The following IL1RAPL1 variants were observed in gnomAD, a reference collection of about 807,000 sequenced individuals.
IL1RAPL1 encodes interleukin 1 receptor accessory protein like 1.
IL1RAPL1 carries 3 observed loss-of-function variants against 48.4 expected under a neutral mutation model. The observed-to-expected ratio is 0.06, with a 90% CI of 0.03 to 0.16. The LOEUF (loss-of-function observed/expected upper bound fraction) is 0.16. IL1RAPL1 is among the 10% of genes least tolerant of loss of function. The probability of loss-of-function intolerance (pLI) is 1.00; values close to 1 mark genes in which losing one functional copy is unlikely to be tolerated. For synonymous variants in IL1RAPL1, 185 were observed against 187.7 expected (o/e 0.99, Z 0.12); for missense variants, 349 against 530.6 (o/e 0.66, Z 3.36).
intron 6 of IL1RAPL1, among the ~76,000 whole-genome samples, chrX:29,707,625 G>A (rs1243103230): frequency 8.9e-6 from 1 of 111,892 alleles, no homozygotes; most frequent in Non-Finnish European, 1.9e-5. Context: ...ATGAAACAGT[G>A]GCATTTGTAG....
intron 2 of IL1RAPL1, among the ~76,000 whole-genome samples, chrX:29,278,624 A>G (rs1017331488): frequency 8.9e-6 from 1 of 112,411 alleles, no homozygotes; most frequent in Non-Finnish European, 1.9e-5. Context: ...AGCATCCACA[A>G]TTACCTGATG....
chrX:29,842,274 T>G (rs1159402908), intron 6 of IL1RAPL1, among the ~76,000 whole-genome samples: 1 of 112,287 alleles, frequency 8.9e-6, no homozygotes, highest in African/African-American at 3.2e-5. Flanking sequence ...TCCAGCTGAA[T>G]GCTAACCTTG....
intron 3 of IL1RAPL1, among the ~76,000 whole-genome samples, chrX:29,390,625 C>T (rs1602210437): frequency 9.0e-6 from 1 of 111,379 alleles, no homozygotes; most frequent in East Asian, 2.8e-4. Context: ...GGTAATTCTG[C>T]TAGAGTAAGA....
intron 5 of IL1RAPL1, among the ~76,000 whole-genome samples, chrX:29,524,386 A>T (rs1173074926): frequency 9.0e-6 from 1 of 111,153 alleles, no homozygotes; most frequent in Non-Finnish European, 1.9e-5. Flanking sequence ...TACATTATGG[A>T]TTTTTATTAT....
At chrX:28,855,493 T>C (rs1405004679) in intron 2 of IL1RAPL1, among the ~76,000 whole-genome samples, 3 of 112,025 alleles carry the variant, frequency 2.7e-5, no homozygotes, top group African/African-American at 9.7e-5. Context: ...GAATAATACC[T>C]TTTATTTTTC....
intron 2 of IL1RAPL1, among the ~76,000 whole-genome samples, chrX:29,070,379 G>A (rs1048170974): frequency 2.7e-5 from 3 of 111,413 alleles, no homozygotes; most frequent in Admixed American, 1.9e-4. Context: ...AGATATCAGC[G>A]CCCTAATTAA....
Position 28,872,913 on chromosome X carries a change from A to T in IL1RAPL1, c.82+83488A>T, listed in dbSNP as rs987350466. Among the ~76,000 whole-genome samples the T allele has an allele frequency of 9.0e-5, 10 of 111,604 alleles. No individual in the cohort carries two copies. The South Asian group carries it at 1.5e-3, about 17-fold the overall frequency. ...CTATAAGCCCTATTACCTACAAAAG[A>T]TAAATATGACATTTTCCTTCTCTTA... On this transcript the variant is annotated intron_variant, in intron 2 of 10. Coordinates refer to ENST00000378993, the MANE Select transcript of IL1RAPL1 (RefSeq NM_014271.4).
intron 6 of IL1RAPL1, among the ~76,000 whole-genome samples, chrX:29,770,259 T>C (rs12840230): frequency 0.11 from 12,360 of 111,554 alleles, 620 homozygotes; most frequent in East Asian, 0.31. Flanking sequence ...GTTGCAATAT[T>C]GAGGTTGAAA....
At position 29,259,397 on chromosome X, in the gene IL1RAPL1, A is replaced by C. The variant is rs145012515; in HGVS notation, c.83-23541A>C. Among the ~76,000 whole-genome samples, 1,007 of 111,437 alleles carry C rather than the reference A, an allele frequency of 9.0e-3. 6 individuals are homozygous for C. Among genetic ancestry groups the C allele is most frequent in the Non-Finnish European group, 0.015 (781 of 53,017 alleles). On this transcript the variant is annotated intron_variant, in intron 2 of 10. Coordinates refer to ENST00000378993, the MANE Select transcript of IL1RAPL1 (RefSeq NM_014271.4). ...GGACAGAAATAATATAAACTATTTTATATACTATTAAATAAATGGGATATT... is the reference window on the plus strand; with the variant it reads ...GGACAGAAATAATATAAACTATTTTCTATACTATTAAATAAATGGGATATT...
intron 5 of IL1RAPL1, among the ~76,000 whole-genome samples, chrX:29,626,405 A>C (rs1213377717): frequency 1.8e-5 from 2 of 111,776 alleles, no homozygotes; most frequent in Non-Finnish European, 3.8e-5. Flanking sequence ...TTACAGTGGA[A>C]GCAACCACAT....
intron 6 of IL1RAPL1, among the ~76,000 whole-genome samples, chrX:29,911,928 A>G (rs757528545): frequency 2.3e-4 from 26 of 112,219 alleles, no homozygotes; most frequent in African/African-American, 8.1e-4. Context: ...ATAGTTGAGA[A>G]GAGATGTGCA....
intron 5 of IL1RAPL1, among the ~76,000 whole-genome samples, chrX:29,485,785 G>A (rs1359886905): frequency 9.0e-6 from 1 of 111,451 alleles, no homozygotes; most frequent in East Asian, 2.8e-4. Flanking sequence ...TCTCCTTGAT[G>A]TCATCACACT....
At chrX:28,763,620 C>T (rs776928380) in intron 1 of IL1RAPL1, among the ~76,000 whole-genome samples, 58 of 111,239 alleles carry the variant, frequency 5.2e-4, no homozygotes, top group Middle Eastern at 4.7e-3. Context: ...ATAGCTCAGC[C>T]GTACTTACCT....
chrX:28,641,786 T>C (rs139996884), intron 1 of IL1RAPL1, among the ~76,000 whole-genome samples: 2,894 of 111,629 alleles, frequency 0.026, 78 homozygotes, highest in African/African-American at 0.088. Flanking sequence ...TGGTACCTCA[T>C]TGTGGTTTTG....
At chrX:28,621,132 T>C (rs1193321500) in intron 1 of IL1RAPL1, among the ~76,000 whole-genome samples, 1 of 112,143 alleles carries the variant, frequency 8.9e-6, no homozygotes, top group Non-Finnish European at 1.9e-5. Context: ...GCAGAGCACC[T>C]ATTGTTATTT....
intron 5 of IL1RAPL1, among the ~76,000 whole-genome samples, chrX:29,667,487 T>G (rs1294669242): frequency 1.8e-5 from 2 of 112,018 alleles, no homozygotes; most frequent in Non-Finnish European, 3.8e-5. Context: ...TAGCAATCCT[T>G]AAATGATAAT....
chrX:29,771,051 C>A (rs1369994827), intron 6 of IL1RAPL1, among the ~76,000 whole-genome samples: 1 of 111,836 alleles, frequency 8.9e-6, no homozygotes, highest in Non-Finnish European at 1.9e-5. Flanking sequence ...CATGTCATTC[C>A]ATGAAAAAAT....
chrX:28,591,049 T>A (rs937827772), intron 1 of IL1RAPL1, among the ~76,000 whole-genome samples: 2 of 112,381 alleles, frequency 1.8e-5, no homozygotes, highest in African/African-American at 6.5e-5. Context: ...CTTTGTCTAA[T>A]AGGAAAGCAT....
intron 2 of IL1RAPL1, among the ~76,000 whole-genome samples, chrX:29,001,327 G>T (rs1054939468): frequency 8.9e-6 from 1 of 111,891 alleles, no homozygotes; most frequent in East Asian, 2.8e-4. Flanking sequence ...AAGTGTCTTT[G>T]GGAGATTACT....
Sources: allele counts gnomAD v4.1 joint callset (sites outside exome capture counted in the v4.1 genomes callset), GRCh38; gene constraint gnomAD v4.1.1; transcripts MANE v1.5; gene names NCBI Gene and HGNC (gene_info 2026-07-23, HGNC 2026-07-21).